PIGN: variants seen among roughly 807,000 people sequenced by gnomAD.
PIGN encodes GPI ethanolamine phosphate transferase 1.
Under a neutral mutation model 125.4 loss-of-function variants are expected in PIGN, and 117 were observed. The observed-to-expected ratio is 0.93, with a 90% CI of 0.80 to 1.09. The LOEUF (loss-of-function observed/expected upper bound fraction) is 1.09, where lower values mean the gene tolerates loss of function less well. Ranked by LOEUF, PIGN falls within the 50% of genes least tolerant of loss-of-function variation. The probability of loss-of-function intolerance (pLI) is 0.00; values close to 1 mark genes in which losing one functional copy is unlikely to be tolerated. For missense variants in PIGN, 1,075 were observed against 1,094.9 expected (o/e 0.98, Z 0.26); for synonymous variants, 392 against 377.8 (o/e 1.04, Z -0.44).
At chr18:62,126,727 T>C (rs1189511677) in intron 14 of PIGN, among the ~76,000 whole-genome samples, 2 of 152,118 alleles carry the variant, frequency 1.3e-5, no homozygotes, top group Non-Finnish European at 2.9e-5. Context: ...TTCCAAAATC[T>C]ATATTTAGAG....
downstream of PIGN, among the ~76,000 whole-genome samples, chr18:62,036,929 T>A (rs943378615): frequency 9.9e-5 from 15 of 152,186 alleles, no homozygotes; most frequent in African/African-American, 3.4e-4. Context: ...AGTTTCATTA[T>A]TATTACCTCC....
chr18:62,173,514 G>T (rs1369874092), intron 1 of PIGN, among the ~76,000 whole-genome samples: 9 of 152,156 alleles, frequency 5.9e-5, no homozygotes, highest in Admixed American at 5.9e-4. Context: ...GATTACATGT[G>T]TAAGCCATTG....
intron 26 of PIGN, among the ~76,000 whole-genome samples, 160 bp from the exon 27 acceptor site, chr18:62,084,766 G>A (rs2033613880): frequency 1.3e-5 from 2 of 152,144 alleles, no homozygotes; most frequent in South Asian, 2.1e-4. Context: ...CAGTAGATCC[G>A]AATGTGCCAA....
intron 20 of PIGN, among the ~76,000 whole-genome samples, chr18:62,104,124 T>C (rs1313140459): frequency 6.6e-6 from 1 of 152,140 alleles, no homozygotes; most frequent in African/African-American, 2.4e-5. Context: ...GGAATCAAAA[T>C]AAATAAGTTG....
chr18:62,090,219 CT>C (rs1486448235), intron 24 of PIGN, among the ~76,000 whole-genome samples: 1 of 152,064 alleles, frequency 6.6e-6, no homozygotes, highest in African/African-American at 2.4e-5. Flanking sequence ...CTTATATTGA[CT>C]TTTTTAAATC....
intron 28 of PIGN, among the ~76,000 whole-genome samples, chr18:62,076,328 G>T (rs2033171406): frequency 6.6e-6 from 1 of 152,050 alleles, no homozygotes; most frequent in South Asian, 2.1e-4. Flanking sequence ...CAGGTGTTTT[G>T]CTCACTTTCT....
At chr18:62,138,118 G>A in intron 14 of PIGN, 125 bp downstream of exon 14, 1 of 1,306,986 alleles carries the variant, frequency 7.7e-7, no homozygotes, top group Non-Finnish European at 1.0e-6. Context: ...TCAATTTGGA[G>A]TTTACACTAA....
intron 6 of PIGN, among the ~76,000 whole-genome samples, chr18:62,154,882 A>C (rs2036667012): frequency 6.6e-6 from 1 of 152,198 alleles, no homozygotes; most frequent in South Asian, 2.1e-4. Flanking sequence ...CCTCAAAAAT[A>C]ACATATTTTA....
At position 62,088,796 on chromosome 18, in the gene PIGN, C is replaced by T. The variant is rs1367034182; in HGVS notation, c.2330G>A (p.Arg777Gln). 7 of 1,564,356 alleles carry T rather than the reference C, an allele frequency of 4.5e-6. No individual in the cohort carries two copies. The highest frequency in any genetic ancestry group is 2.7e-5 in the African/African-American group (2 of 73,676). Residue 777 changes from arginine (R) to glutamine (Q), a missense_variant, in exon 25 of 31, where the codon CGA becomes CAA. Arg to Gln is a conservative substitution (Grantham distance 43, BLOSUM62 1). This residue lies in a region of PIGN where 915 missense variants were observed against 908.7 expected (regional missense o/e 1.01). Transcript: ENST00000640252. ...ACGGATGTCATCCAGATATAGCTGT[C>T]GAAACTGAGTTATATCAGTATTATA... The part of the protein sequence containing the change: ...FSYNTDITQF[R>Q]QLYLDDIRRA...
chr18:62,160,214 G>T (rs1330856586), intron 4 of PIGN, among the ~76,000 whole-genome samples: 1 of 152,224 alleles, frequency 6.6e-6, no homozygotes, highest in East Asian at 1.9e-4. Flanking sequence ...ATTTCCTCTT[G>T]AATTCTATTT....
intron 23 of PIGN, among the ~76,000 whole-genome samples, chr18:62,092,964 T>G (rs553141528): frequency 9.1e-4 from 139 of 152,184 alleles, no homozygotes; most frequent in African/African-American, 3.3e-3. Context: ...ATTGTTTGAT[T>G]TTGTAATTGC....
chr18:62,066,277 A>G (rs1209835921), intron 30 of PIGN, among the ~76,000 whole-genome samples: 1 of 152,192 alleles, frequency 6.6e-6, no homozygotes, highest in African/African-American at 2.4e-5. Context: ...CCCATTCACA[A>G]GTGCATCCTT....
intron 23 of PIGN, among the ~76,000 whole-genome samples, chr18:62,035,625 CATT>C (rs2030249579): frequency 6.6e-6 from 1 of 152,030 alleles, no homozygotes; most frequent in South Asian, 2.1e-4. Flanking sequence ...GTGCTGCACC[CATT>C]AACTCATCAT....
intron 30 of PIGN, among the ~76,000 whole-genome samples, chr18:62,071,204 T>C (rs959447738): frequency 2.0e-5 from 3 of 152,174 alleles, no homozygotes; most frequent in African/African-American, 7.2e-5. Flanking sequence ...TAAACCACCA[T>C]ATAAAATTCA....
In PIGN at chr18:62,131,425, C is replaced by T. The variant is rs147481093; in HGVS notation, c.1172+6818G>A. ...GTCTTACTCCAGCCTCTAAAGTATACAATTTTAAACATAAAGTGTTTTTCC... is the reference window on the plus strand; with the variant it reads ...GTCTTACTCCAGCCTCTAAAGTATATAATTTTAAACATAAAGTGTTTTTCC... On this transcript the variant is annotated intron_variant, in intron 14 of 30. Transcript: ENST00000640252. 1.6e-3 allele frequency among the ~76,000 whole-genome samples: 232 copies of T among 148,262 alleles called. 1 individual carries two copies. Among genetic ancestry groups the T allele is most frequent in the African/African-American group, 5.3e-3 (216 of 41,054 alleles).
chr18:62,081,176 C>A (rs1224326189), intron 28 of PIGN, among the ~76,000 whole-genome samples: 1 of 152,008 alleles, frequency 6.6e-6, no homozygotes, highest in Non-Finnish European at 1.5e-5. Context: ...TATATATCCA[C>A]CCCCATCTTA....
At chr18:62,139,901 G>A (rs2036073139) in intron 12 of PIGN, among the ~76,000 whole-genome samples, 1 of 152,174 alleles carries the variant, frequency 6.6e-6, no homozygotes, top group African/African-American at 2.4e-5. Context: ...TTACAAGGCT[G>A]GTTTTCAAGC....
intron 14 of PIGN, among the ~76,000 whole-genome samples, chr18:62,119,027 AG>A (rs2035196551): frequency 6.6e-6 from 1 of 152,258 alleles, no homozygotes; most frequent in African/African-American, 2.4e-5. Context: ...AGTGACCACC[AG>A]AGAAGAAAGG....
At position 62,041,640 on chromosome 18, in the gene PIGN, G is replaced by GGTGTTT. The variant is rs2030377455; in HGVS notation, c.*4215_*4216insAAACAC. The GGTGTTT allele has an allele frequency of 2.6e-5, 2 of 77,470 alleles. No homozygotes were observed. Among genetic ancestry groups the GGTGTTT allele is most frequent in the Non-Finnish European group, 4.9e-5 (2 of 40,880 alleles). The allele number at this position is 77,470 out of a possible 1,614,324, so 4.8% of individuals were successfully genotyped here. On this transcript the variant is annotated 3_prime_UTR_variant, in exon 31 of 31. Coordinates refer to ENST00000640252, the MANE Select transcript of PIGN (RefSeq NM_176787.5). ...ATTACAGGAGCCTACCACCCCGCCG[G>GGTGTTT]GTGTGTGTGTGTGTGTGTGTGTGTG...
Sources: allele counts gnomAD v4.1 joint callset (sites outside exome capture counted in the v4.1 genomes callset), GRCh38; gene constraint gnomAD v4.1.1; regional missense constraint gnomAD v4.1.1; transcripts MANE v1.5; gene names NCBI Gene and HGNC (gene_info 2026-07-23, HGNC 2026-07-21).